The following CCDC81 variants were observed in gnomAD, a reference collection of about 807,000 sequenced individuals.
CCDC81 encodes coiled-coil domain containing 81.
CCDC81 carries 79 observed loss-of-function variants against 83.7 expected under a neutral mutation model. The ratio of observed to expected loss-of-function variants is 0.94; its 90% confidence interval spans 0.79 to 1.14. The LOEUF (loss-of-function observed/expected upper bound fraction) is 1.14, where lower values mean the gene tolerates loss of function less well. CCDC81 is among the 50% of genes most tolerant of loss of function. The pLI, the probability that CCDC81 is intolerant of heterozygous loss-of-function variation, is 0.00. For synonymous variants in CCDC81, 252 were observed against 278.1 expected (o/e 0.91, Z 0.93); for missense variants, 791 against 778.1 (o/e 1.02, Z -0.20).
At chr11:86,391,530 C>A (rs985001960) in intron 3 of CCDC81, among the ~76,000 whole-genome samples, 2 of 152,134 alleles carry the variant, frequency 1.3e-5, no homozygotes, top group Non-Finnish European at 2.9e-5. Flanking sequence ...CCCTGTGCTT[C>A]TTTCAAGCTA....
chr11:86,419,891 C>A, intron 13 of CCDC81, 37 bp from the exon 14 acceptor site: 1 of 1,569,222 alleles, frequency 6.4e-7, no homozygotes, highest in South Asian at 1.2e-5. Flanking sequence ...CATGCTCTTC[C>A]AAGTATTATG....
intron 1 of CCDC81, among the ~76,000 whole-genome samples, chr11:86,378,495 TG>T (rs1948129267): frequency 6.6e-6 from 1 of 152,206 alleles, no homozygotes; most frequent in Non-Finnish European, 1.5e-5. Flanking sequence ...ATTTGATTGA[TG>T]GTGCTGTTGA....
In CCDC81 at chr11:86,422,701, C is replaced by G. The variant is rs144365306; in HGVS notation, c.1945C>G (p.Arg649Gly). The change falls in exon 15 of 15, where the codon CGG (arginine) becomes GGG (glycine). Residue 649 changes from arginine to glycine, a missense_variant. By Grantham distance (125) the Arg-to-Gly change is moderately radical (BLOSUM62 -2). Coordinates refer to ENST00000445632, the MANE Select transcript of CCDC81 (RefSeq NM_001156474.2). ...CCTGAACAAGTTCCTGCCTGGCTCCCGGTTGCTTGTGTAAAACTCAAAGTT... is the reference window on the plus strand; with the variant it reads ...CCTGAACAAGTTCCTGCCTGGCTCCGGGTTGCTTGTGTAAAACTCAAAGTT... ...WPLNKFLPGS[R>G]LLV 3.0e-5 allele frequency: 48 copies of G among 1,613,514 alleles called. No homozygotes were observed. Among genetic ancestry groups the G allele is most frequent in the Non-Finnish European group, 4.1e-5 (48 of 1,179,560 alleles).
chr11:86,403,209 G>C (rs750295012), intron 7 of CCDC81, among the ~76,000 whole-genome samples: 13 of 151,514 alleles, frequency 8.6e-5, no homozygotes, highest in Non-Finnish European at 1.8e-4. Context: ...CAGTTTTCCT[G>C]CTTGAATCCT....
chr11:86,385,342 G>A, intron 1 of CCDC81, among the ~76,000 whole-genome samples: 1 of 152,056 alleles, frequency 6.6e-6, no homozygotes. Context: ...CCGAGATCAC[G>A]CCACTGCACT....
At position 86,422,653 on chromosome 11, in the gene CCDC81, G is replaced by T; in HGVS notation, c.1897G>T (p.Val633Leu). The change falls in exon 15 of 15, where the codon GTG (valine) becomes TTG (leucine). Residue 633 changes from valine (V) to leucine (L), a missense_variant. By Grantham distance (32) the Val-to-Leu change is conservative (BLOSUM62 1). Coordinates refer to ENST00000445632, the MANE Select transcript of CCDC81 (RefSeq NM_001156474.2). The part of the protein sequence containing the change: ...CKQCQRRTSN[V>L]GESNLWPLNK... ...GCAATGCCAGAGGCGCACCTCCAAC[G>T]TGGGCGAGAGCAACCTGTGGCCCCT... 6.2e-7 allele frequency: 1 copy of T among 1,614,116 alleles called. No individual in the cohort carries two copies. The highest frequency in any genetic ancestry group is 8.5e-7 in the Non-Finnish European group (1 of 1,179,978).
chr11:86,418,887 A>T (rs1489104831), intron 13 of CCDC81, among the ~76,000 whole-genome samples: 2 of 152,216 alleles, frequency 1.3e-5, no homozygotes, highest in Non-Finnish European at 2.9e-5. Context: ...ACAAAAAAAA[A>T]ATCTACGAAA....
chr11:86,422,241 G>A (rs778061309), intron 14 of CCDC81, among the ~76,000 whole-genome samples: 2 of 152,136 alleles, frequency 1.3e-5, no homozygotes, highest in African/African-American at 2.4e-5. Flanking sequence ...TGTAATCCAC[G>A]TGGGAAAGCA....
At position 86,414,668 on chromosome 11, in the gene CCDC81, A is replaced by G. The variant is rs528811973; in HGVS notation, c.1392-121A>G. The G allele has an allele frequency of 1.3e-5, 8 of 639,590 alleles. No homozygotes were observed. In the South Asian group the frequency reaches 1.4e-4, roughly 11 times the overall value. The allele number at this position is 639,590 out of a possible 1,614,324, so 39.6% of individuals were successfully genotyped here. On this transcript the variant is annotated intron_variant, in intron 11 of 14. Transcript: ENST00000445632. ...TGAAAGCTACCAGAATAAAACATCA[A>G]TTTTTATTTACCAGACTCTTGTTCC...
intron 1 of CCDC81, among the ~76,000 whole-genome samples, chr11:86,383,633 C>G (rs1948202122): frequency 6.6e-6 from 1 of 152,084 alleles, no homozygotes; most frequent in Non-Finnish European, 1.5e-5. Context: ...AAGTAAGAAC[C>G]CTGGCTTCCC....
chr11:86,380,847 A>G (rs1447307756), intron 1 of CCDC81, among the ~76,000 whole-genome samples: 1 of 152,200 alleles, frequency 6.6e-6, no homozygotes, highest in Admixed American at 6.5e-5. Flanking sequence ...GCTGTCTACT[A>G]TATCCGTTAG....
chr11:86,400,877 G>A, intron 7 of CCDC81, 76 bp downstream of exon 7: 1 of 1,394,526 alleles, frequency 7.2e-7, no homozygotes, highest in African/African-American at 1.4e-5. Flanking sequence ...GCGGGGAACT[G>A]TAATTGTTCA....
intron 1 of CCDC81, among the ~76,000 whole-genome samples, chr11:86,376,037 A>T (rs1948094320): frequency 6.6e-6 from 1 of 152,366 alleles, no homozygotes. Flanking sequence ...TAATGAATTT[A>T]AAAACATTTG....
intron 5 of CCDC81, among the ~76,000 whole-genome samples, chr11:86,395,846 C>T (rs1306434467): frequency 6.6e-6 from 1 of 152,196 alleles, no homozygotes; most frequent in African/African-American, 2.4e-5. Context: ...TGGTCTCGAA[C>T]TCCTGGTCTC....
chr11:86,384,617 G>A (rs1948217487), intron 1 of CCDC81, among the ~76,000 whole-genome samples: 1 of 152,126 alleles, frequency 6.6e-6, no homozygotes, highest in African/African-American at 2.4e-5. Flanking sequence ...GGTTTAAATT[G>A]TTAGAAAAAA....
intron 6 of CCDC81, among the ~76,000 whole-genome samples, chr11:86,398,900 CCCCAAAAAGTATGGCTTGCCAGG>C (rs1948445521): frequency 6.6e-6 from 1 of 152,112 alleles, no homozygotes; most frequent in South Asian, 2.1e-4. Flanking sequence ...GTCCTAGGGA[CCCCAAAAAGTATGGCTTGCCAGG>C]CCACACTTTG....
rs573867303 is a variant in CCDC81, at chr11:86,397,841, A to G, written c.757+99A>G. The G allele has an allele frequency of 1.2e-5, 16 of 1,368,902 alleles. No individual in the cohort carries two copies. The African/African-American group carries it at 1.9e-4, about 16-fold the overall frequency. 84.8% of individuals were successfully genotyped at this position (1,368,902 alleles called of 1,614,324 possible). On this transcript the variant is annotated intron_variant, in intron 6 of 14. Transcript: ENST00000445632. ...GTAAATAAAGTTAAATTTACAAATAATCACTATATTATTATTACTTTTTTT... is the reference window on the plus strand; with the variant it reads ...GTAAATAAAGTTAAATTTACAAATAGTCACTATATTATTATTACTTTTTTT...
rs765361361 is a variant in CCDC81 at position 86,414,806 on chromosome 11, C to G, written c.1409C>G (p.Ala470Gly). The stretch of plus-strand genomic sequence containing the variant: ...ACTGCCAGACTTGCTGCGCAAAGAG[C>G]GAAATTTTTAAAAGATAAGATGGAA... ...QLTEELAAQR[A>G]KFLKDKMEET... is the part of the protein sequence containing the mutation. The change falls in exon 12 of 15, where the codon GCG becomes GGG. Residue 470 changes from alanine to glycine, a missense_variant. By Grantham distance (60) the Ala-to-Gly change is moderately conservative (BLOSUM62 0). Coordinates refer to ENST00000445632, the MANE Select transcript of CCDC81 (RefSeq NM_001156474.2). 6.2e-7 allele frequency: 1 copy of G among 1,611,482 alleles called. No homozygotes were observed. Among genetic ancestry groups the G allele is most frequent in the Non-Finnish European group, 8.5e-7 (1 of 1,179,482 alleles).
chr11:86,384,282 T>C (rs985779296), intron 1 of CCDC81, among the ~76,000 whole-genome samples: 2 of 152,184 alleles, frequency 1.3e-5, no homozygotes, highest in African/African-American at 4.8e-5. Flanking sequence ...TCTTAGTTCT[T>C]AGCAGCCTGT....
Sources: gnomAD v4.1 joint callset for allele counts (sites outside exome capture counted in the v4.1 genomes callset) on GRCh38, gnomAD v4.1.1 for gene constraint, MANE v1.5 for transcripts, NCBI Gene and HGNC (gene_info 2026-07-23, HGNC 2026-07-21) for gene names.